PTPN23: variants seen among roughly 807,000 people sequenced by gnomAD.
The protein encoded by PTPN23 is tyrosine-protein phosphatase non-receptor type 23.
Under a neutral mutation model 156.3 loss-of-function variants are expected in PTPN23, and 72 were observed. The observed-to-expected ratio is 0.46, with a 90% CI of 0.38 to 0.56. The LOEUF (loss-of-function observed/expected upper bound fraction) is 0.56. Ranked by LOEUF, PTPN23 falls within the 20% of genes least tolerant of loss-of-function variation. The probability of loss-of-function intolerance (pLI) is 0.00; values close to 1 mark genes in which losing one functional copy is unlikely to be tolerated. For synonymous variants in PTPN23, 957 were observed against 899.6 expected, an observed-to-expected ratio of 1.06 and a Z score of -1.14; for missense variants, 1,974 against 2,171.5, an observed-to-expected ratio of 0.91 and a Z score of 1.81.
In PTPN23 at chr3:47,405,163, C is replaced by T. The variant is rs1411221244; in HGVS notation, c.364+82C>T. 5 of 1,325,074 alleles carry T rather than the reference C, an allele frequency of 3.8e-6. No homozygotes were observed. The highest frequency in any genetic ancestry group is 1.4e-5 in the African/African-American group (1 of 69,476). The allele number at this position is 1,325,074 out of a possible 1,614,324, so 82.1% of individuals were successfully genotyped here. ...TCAGCTCTTCAGATGGCCACAAAGG[C>T]AGTGGGCTGATAAAGGGAGGACTCC... On this transcript the variant is annotated intron_variant, in intron 4 of 24. Coordinates refer to ENST00000265562, the MANE Select transcript of PTPN23 (RefSeq NM_015466.4). The surrounding 1 kb of genome is among the most constrained non-coding windows in gnomAD (Gnocchi z 4.7).
In PTPN23 at chr3:47,413,258, C is replaced by T. The variant is rs1705377479; in HGVS notation, c.*73C>T. 6.5e-7 allele frequency: 1 copy of T among 1,528,216 alleles called. No homozygotes were observed. Among genetic ancestry groups the T allele is most frequent in the South Asian group, 1.2e-5 (1 of 80,024 alleles). 94.7% of individuals were successfully genotyped at this position (1,528,216 alleles called of 1,614,324 possible). On this transcript the variant is annotated 3_prime_UTR_variant, in exon 25 of 25. Transcript: ENST00000265562. ...GCCCACCTGCCCACACCCAGCAGAG[C>T]TTCTCAGTGGGCACAGTCTCTTACT... is the stretch of plus-strand genomic sequence containing the variant.
Position 47,406,476 on chromosome 3 carries a change from C to G in PTPN23, c.628-5C>G. 6.2e-7 allele frequency: 1 copy of G among 1,614,022 alleles called. No homozygotes were observed. On this transcript the variant is annotated splice_region_variant and splice_polypyrimidine_tract_variant and intron_variant, in intron 7 of 24. Transcript: ENST00000265562. The surrounding 1 kb of genome is among the most constrained non-coding windows in gnomAD (Gnocchi z 5.8). ...CCCACTCATTGGGCCCCACCCTGTTCTCAGGTGGTAGATTACTACAAGGAG... is the reference window on the plus strand; with the variant it reads ...CCCACTCATTGGGCCCCACCCTGTTGTCAGGTGGTAGATTACTACAAGGAG...
rs756916867 is a variant in PTPN23, at chr3:47,412,133, C to T, written c.4113C>T (p.Ile1371=). 4.6e-5 allele frequency: 74 copies of T among 1,613,192 alleles called. No individual in the cohort carries two copies. Among genetic ancestry groups the T allele is most frequent in the Admixed American group, 4.0e-4 (24 of 60,032 alleles). The change falls in exon 22 of 25, where the codon ATC becomes ATT. Residue 1371 remains isoleucine (I), a synonymous_variant. Transcript: ENST00000265562. ...PDSPSNLLRF[I]QEVHAHYLHQ... ...GCCCCAGCAACTTGCTGCGCTTCAT[C>T]CAGGAGGTGCACGCACATTACCTGC... is the stretch of plus-strand genomic sequence containing the variant.
Position 47,411,093 on chromosome 3 carries a change from C to A in PTPN23, c.3295C>A (p.Pro1099Thr), listed in dbSNP as rs149563514. The A allele has an allele frequency of 6.3e-7, 1 of 1,596,926 alleles. No individual in the cohort carries two copies. Among genetic ancestry groups the A allele is most frequent in the South Asian group, 1.1e-5 (1 of 88,076 alleles). Residue 1099 changes from proline (P) to threonine (T), a missense_variant, in exon 20 of 25, where the codon CCT becomes ACT. Transcript: ENST00000265562. This position sits in a 1 kb window ranked among gnomAD's most constrained non-coding sequence, Gnocchi z 6.3. ...APSPGPGPVP[P>T]RPPAAEPPPC... ...ATCTCCAGGGCCTGGTCCGGTACCC[C>A]CTCGCCCCCCAGCAGCAGAACCACC...
chr3:47,403,350 C>A (rs934614147), intron 2 of PTPN23, among the ~76,000 whole-genome samples: 1 of 152,172 alleles, frequency 6.6e-6, no homozygotes, highest in African/African-American at 2.4e-5. Context: ...CTGCACCTGG[C>A]CACATTCTTT....
In PTPN23 at chr3:47,408,091, G is replaced by A. The variant is rs1370214380; in HGVS notation, c.1184+136G>A. 7 of 1,076,630 alleles carry A rather than the reference G, an allele frequency of 6.5e-6. No homozygotes were observed. The East Asian group carries it at 1.0e-4, about 16-fold the overall frequency. 66.7% of individuals were successfully genotyped at this position (1,076,630 alleles called of 1,614,324 possible). A position where few individuals can be genotyped will look rare whatever the true frequency, so the allele number is the denominator to read the frequency against. On this transcript the variant is annotated intron_variant, in intron 14 of 24. Coordinates refer to ENST00000265562, the MANE Select transcript of PTPN23 (RefSeq NM_015466.4). ...GTTTCCCAATGCTGCCTTCCCGCCTGGGGTGGTGGGGCTAGTGTGTAAGGC... is the reference window on the plus strand; with the variant it reads ...GTTTCCCAATGCTGCCTTCCCGCCTAGGGTGGTGGGGCTAGTGTGTAAGGC...
At chr3:47,404,478 G>T (rs1705074507) in intron 2 of PTPN23, among the ~76,000 whole-genome samples, 174 bp from the exon 3 acceptor site, 1 of 151,180 alleles carries the variant, frequency 6.6e-6, no homozygotes, top group Non-Finnish European at 1.5e-5. Flanking sequence ...GCCAGCCCTG[G>T]CTTGTGGAAT....
chr3:47,403,310 C>T (rs368435091), intron 2 of PTPN23, among the ~76,000 whole-genome samples: 4 of 152,038 alleles, frequency 2.6e-5, no homozygotes, highest in East Asian at 1.9e-4. Flanking sequence ...CCTCGGCCTC[C>T]GAAAGTGCTG....
chr3:47,381,922 T>A (rs748040759), intron 1 of PTPN23, among the ~76,000 whole-genome samples: 1 of 151,840 alleles, frequency 6.6e-6, no homozygotes, highest in Non-Finnish European at 1.5e-5. Context: ...GGTTCAGGTG[T>A]GGTGATTGAA....
chr3:47,384,455 C>CAAAAAAAA (rs56896052), intron 1 of PTPN23, among the ~76,000 whole-genome samples: 1 of 78,474 alleles, frequency 1.3e-5, no homozygotes. Context: ...GAGACTGTCT[C>CAAAAAAAA]AAAAAAAAAA....
intron 2 of PTPN23, among the ~76,000 whole-genome samples, chr3:47,403,273 C>G (rs568652018): frequency 4.6e-5 from 7 of 151,794 alleles, no homozygotes; most frequent in Non-Finnish European, 1.5e-5. Context: ...AGGATGGTCT[C>G]GATCTCCTGA....
intron 1 of PTPN23, among the ~76,000 whole-genome samples, chr3:47,389,497 G>A (rs1180739069): frequency 6.6e-6 from 1 of 152,130 alleles, no homozygotes. Flanking sequence ...GCTCACGCCT[G>A]TAATCCCAGC....
rs780307843 is a variant in PTPN23 at position 47,410,182 on chromosome 3, C to G, written c.2384C>G (p.Thr795Ser). Reference protein sequence around the residue: ...HYLSGPLPPGTYSGPTQLIQP... With the variant: ...HYLSGPLPPGSYSGPTQLIQP... Reference sequence around the variant, plus strand: ...CTCTCAGGCCCCTTGCCCCCTGGTACCTACTCGGGCCCCACCCAGCTGATA... The same window carrying G: ...CTCTCAGGCCCCTTGCCCCCTGGTAGCTACTCGGGCCCCACCCAGCTGATA... The change falls in exon 20 of 25, where the codon ACC becomes AGC. Residue 795 changes from threonine to serine, a missense_variant. By Grantham distance (58) the Thr-to-Ser change is moderately conservative. Around this residue, in one of 4 missense-constraint regions of PTPN23, gnomAD observed 731 missense variants for 669.1 expected, o/e 1.09. Coordinates refer to ENST00000265562, the MANE Select transcript of PTPN23 (RefSeq NM_015466.4). 2.2e-5 allele frequency: 35 copies of G among 1,600,560 alleles called. No homozygotes were observed. The highest frequency in any genetic ancestry group is 3.0e-5 in the Non-Finnish European group (35 of 1,172,764).
rs369735839 is a variant in PTPN23, at chr3:47,412,864, G to C, written c.4590G>C (p.Pro1530=). The change falls in exon 25 of 25, where the codon CCG becomes CCC. Residue 1530 remains proline, a synonymous_variant. Coordinates refer to ENST00000265562, the MANE Select transcript of PTPN23 (RefSeq NM_015466.4). Reference sequence around the variant, plus strand: ...GCCCTGCAGAGCCCCCAGGCCTCCCGCCAGCCAGCCTCCCAGAGTCTACCC... The same window carrying C: ...GCCCTGCAGAGCCCCCAGGCCTCCCCCCAGCCAGCCTCCCAGAGTCTACCC... ...LPGPAEPPGL[P]PASLPESTPI... is the part of the protein sequence containing the mutation. 6.2e-7 allele frequency: 1 copy of C among 1,613,178 alleles called. No individual in the cohort carries two copies. Among genetic ancestry groups the C allele is most frequent in the African/African-American group, 1.3e-5 (1 of 74,936 alleles).
At chr3:47,386,632 A>T (rs996788244) in intron 1 of PTPN23, among the ~76,000 whole-genome samples, 1 of 152,160 alleles carries the variant, frequency 6.6e-6, no homozygotes, top group Admixed American at 6.5e-5. Flanking sequence ...ACAGACACAT[A>T]CATAGAAAGG....
At chr3:47,403,925 T>G (rs1308013347) in intron 2 of PTPN23, among the ~76,000 whole-genome samples, 1 of 152,188 alleles carries the variant, frequency 6.6e-6, no homozygotes, top group Non-Finnish European at 1.5e-5. Flanking sequence ...TACTGTAAAC[T>G]TTTAGATACA....
chr3:47,398,470 C>T (rs1435370970), intron 2 of PTPN23, among the ~76,000 whole-genome samples: 2 of 152,136 alleles, frequency 1.3e-5, no homozygotes, highest in Non-Finnish European at 2.9e-5. Flanking sequence ...ATCAGATTCT[C>T]CCCCTTCCCC....
chr3:47,409,080 C>T lies in PTPN23; in HGVS notation c.1635C>T (p.Leu545=), dbSNP rs1473988494. The T allele has an allele frequency of 6.2e-7, 1 of 1,611,420 alleles. No homozygotes were observed. Among genetic ancestry groups the T allele is most frequent in the African/African-American group, 1.3e-5 (1 of 75,046 alleles). ...GGGCTGCCCTGCCCACACCGGCCCT[C>T]TCCCCAGGTGAGCCCCACCAGACCC... is the stretch of plus-strand genomic sequence containing the variant. The part of the protein sequence containing the change: ...QVRAALPTPA[L]SPEDKAVLQN... Residue 545 remains leucine, a synonymous_variant, in exon 16 of 25, where the codon CTC becomes CTT. Coordinates refer to ENST00000265562, the MANE Select transcript of PTPN23 (RefSeq NM_015466.4).
chr3:47,387,421 AAG>A (rs1491480786), intron 1 of PTPN23, among the ~76,000 whole-genome samples: 1 of 150,994 alleles, frequency 6.6e-6, no homozygotes, highest in Non-Finnish European at 1.5e-5. Context: ...AAAAAAAAAA[AAG>A]AAAGGTCAGG....
Sources: gnomAD v4.1 joint callset for allele counts (sites outside exome capture counted in the v4.1 genomes callset) on GRCh38, gnomAD v4.1.1 for gene constraint, gnomAD v4.1.1 regional missense constraint, Gnocchi (gnomAD v3.1) non-coding constraint, MANE v1.5 for transcripts, NCBI Gene and HGNC (gene_info 2026-07-23, HGNC 2026-07-21) for gene names.